The following EGLN1 variants were observed in gnomAD, a reference collection of about 807,000 sequenced individuals.
EGLN1 encodes the protein egl nine homolog 1.
In EGLN1, 17 loss-of-function variants were observed where a neutral mutation model predicts 38.3. The observed-to-expected ratio is 0.44, with a 90% CI of 0.30 to 0.67. EGLN1 has a LOEUF of 0.67. Ranked by LOEUF, EGLN1 falls within the 30% of genes least tolerant of loss-of-function variation. The pLI is 0.08. For synonymous variants in EGLN1, 283 were observed against 257.5 expected, an observed-to-expected ratio of 1.10 and a Z score of -0.95; for missense variants, 477 against 603.3, an observed-to-expected ratio of 0.79 and a Z score of 2.19.
At chr1:231,420,262 G>C (rs1221846866) in intron 1 of EGLN1, 2 of 152,240 alleles carry the variant, frequency 1.3e-5, no homozygotes, top group Non-Finnish European at 2.9e-5. Context: ...TTACAAAACA[G>C]TTTTCAACAG....
chr1:231,401,656 A>G (rs1688667543), intron 1 of EGLN1, among the ~76,000 whole-genome samples: 1 of 152,166 alleles, frequency 6.6e-6, no homozygotes, highest in African/African-American at 2.4e-5. Flanking sequence ...TGCATAAAAG[A>G]CTAGTTCACT....
intron 1 of EGLN1, among the ~76,000 whole-genome samples, chr1:231,378,672 G>T (rs542536591): frequency 6.6e-6 from 1 of 152,180 alleles, no homozygotes; most frequent in African/African-American, 2.4e-5. Flanking sequence ...GAAGAGGTCC[G>T]CAATGCCTCT....
intron 1 of EGLN1, among the ~76,000 whole-genome samples, chr1:231,386,827 A>C (rs1398472987): frequency 1.3e-5 from 2 of 152,234 alleles, no homozygotes; most frequent in African/African-American, 4.8e-5. Flanking sequence ...CCATTGCTAA[A>C]GATTGATAGA....
At chr1:231,405,467 A>G (rs1312837936) in intron 1 of EGLN1, among the ~76,000 whole-genome samples, 8 of 152,134 alleles carry the variant, frequency 5.3e-5, no homozygotes, top group Non-Finnish European at 1.0e-4. Context: ...GTGAGCCACC[A>G]TGCCCAGCCA....
intron 1 of EGLN1, among the ~76,000 whole-genome samples, chr1:231,374,518 C>T (rs528009230): frequency 1.7e-5 from 2 of 118,028 alleles, no homozygotes; most frequent in African/African-American, 5.3e-5. Context: ...CTGAATGGTA[C>T]CAATTTTTTT....
intron 1 of EGLN1, among the ~76,000 whole-genome samples, chr1:231,391,089 T>TG (rs1558387126): frequency 0.037 from 1,668 of 44,742 alleles, 337 homozygotes; most frequent in East Asian, 0.33. Flanking sequence ...TTCTGTTTTT[T>TG]TTTTGTGTGT....
intron 1 of EGLN1, 95 bp downstream of exon 1, chr1:231,420,903 G>C (rs1041935030): frequency 6.2e-7 from 1 of 1,610,074 alleles, no homozygotes; most frequent in Non-Finnish European, 8.5e-7. Context: ...TCTATATAGA[G>C]GAATGCTGCT....
chr1:231,403,436 A>C (rs892768056), intron 1 of EGLN1, among the ~76,000 whole-genome samples: 1 of 152,090 alleles, frequency 6.6e-6, no homozygotes, highest in Admixed American at 6.6e-5. Context: ...GAAACTATAT[A>C]AAGTCATAAA....
At chr1:231,375,107 A>G (rs373398563) in intron 1 of EGLN1, among the ~76,000 whole-genome samples, 101 of 152,324 alleles carry the variant, frequency 6.6e-4, no homozygotes, top group Non-Finnish European at 1.1e-3. Context: ...TGACCAGGCT[A>G]GAGTGCAGTG....
At chr1:231,381,709 T>C in intron 1 of EGLN1, among the ~76,000 whole-genome samples, 1 of 152,208 alleles carries the variant, frequency 6.6e-6, no homozygotes, top group East Asian at 1.9e-4. Context: ...AAATAAGAAA[T>C]TCATCTGGTG....
chr1:231,396,398 C>A lies in EGLN1; in HGVS notation c.892-22299G>T, dbSNP rs578253335. On this transcript the variant is annotated intron_variant, in intron 1 of 4. Coordinates refer to ENST00000366641, the MANE Select transcript of EGLN1 (RefSeq NM_022051.3). ...CCTCCCAAGCAGCTGGGACCACAGGCACGCGCCACCAAGCCCAGCTAATTT... is the reference window on the plus strand; with the variant it reads ...CCTCCCAAGCAGCTGGGACCACAGGAACGCGCCACCAAGCCCAGCTAATTT... Among the ~76,000 whole-genome samples the A allele has an allele frequency of 3.9e-5, 6 of 152,150 alleles. No homozygotes were observed. In the East Asian group the frequency reaches 1.2e-3, roughly 30 times the overall value.
At chr1:231,399,236 G>C (rs1383175328) in intron 1 of EGLN1, among the ~76,000 whole-genome samples, 1 of 152,024 alleles carries the variant, frequency 6.6e-6, no homozygotes, top group Admixed American at 6.6e-5. Flanking sequence ...CCCTATACTG[G>C]GCACTTTATA....
chr1:231,367,038 C>T (rs981716624), intron 4 of EGLN1, among the ~76,000 whole-genome samples: 9 of 152,304 alleles, frequency 5.9e-5, no homozygotes, highest in South Asian at 2.1e-4. Flanking sequence ...ATTAAAGGAT[C>T]TTCAGGTTCA....
chr1:231,398,197 G>A (rs1688579385), intron 1 of EGLN1, among the ~76,000 whole-genome samples: 1 of 152,160 alleles, frequency 6.6e-6, no homozygotes, highest in South Asian at 2.1e-4. Flanking sequence ...CTACCTTGCA[G>A]TCAATATCTC....
chr1:231,418,277 T>G (rs527269016), intron 1 of EGLN1, among the ~76,000 whole-genome samples: 7 of 152,298 alleles, frequency 4.6e-5, no homozygotes, highest in Admixed American at 1.3e-4. Flanking sequence ...ATAAAAAGTT[T>G]TACACAGCCC....
At chr1:231,382,109 C>G (rs539137249) in intron 1 of EGLN1, among the ~76,000 whole-genome samples, 96 of 152,300 alleles carry the variant, frequency 6.3e-4, no homozygotes, top group Admixed American at 8.5e-4. Flanking sequence ...CAGAACAAAA[C>G]ACTTAGCTGC....
chr1:231,416,085 T>C (rs1320566973), intron 1 of EGLN1, among the ~76,000 whole-genome samples: 4 of 152,140 alleles, frequency 2.6e-5, no homozygotes, highest in African/African-American at 7.2e-5. Flanking sequence ...TCCCTCGACC[T>C]TGTGATCCAC....
chr1:231,414,889 C>A (rs937372540), intron 1 of EGLN1, among the ~76,000 whole-genome samples: 2 of 151,992 alleles, frequency 1.3e-5, no homozygotes, highest in African/African-American at 4.8e-5. Context: ...ACATGTGCCA[C>A]CATGCCTGGT....
chr1:231,367,974 G>A (rs2102890755), intron 3 of EGLN1, among the ~76,000 whole-genome samples: 1 of 152,172 alleles, frequency 6.6e-6, no homozygotes, highest in Middle Eastern at 3.4e-3. Context: ...ATGAAGTCAG[G>A]ACTTCGAGAC....
Sources: gnomAD v4.1 joint callset for allele counts (sites outside exome capture counted in the v4.1 genomes callset) on GRCh38, gnomAD v4.1.1 for gene constraint, MANE v1.5 for transcripts, NCBI Gene and HGNC (gene_info 2026-07-23, HGNC 2026-07-21) for gene names.